The following TAF9B variants were observed in gnomAD, a reference collection of about 807,000 sequenced individuals.
TAF9B encodes the protein TATA-box binding protein associated factor 9b.
Under a neutral mutation model 17.6 loss-of-function variants are expected in TAF9B, and 47 were observed. The observed-to-expected ratio is 2.68, with a 90% CI of 2.12 to 3.41. The LOEUF is 3.41. Ranked by LOEUF, TAF9B falls within the 30% of genes most tolerant of loss-of-function variation. The pLI is 0.00. For synonymous variants in TAF9B, 84 were observed against 68.7 expected, an observed-to-expected ratio of 1.22 and a Z score of -1.10; for missense variants, 218 against 189.3, an observed-to-expected ratio of 1.15 and a Z score of -0.89.
chrX:78,133,942 T>A (rs1557249798), intron 5 of TAF9B, among the ~76,000 whole-genome samples: 2 of 111,544 alleles, frequency 1.8e-5, no homozygotes, highest in African/African-American at 6.5e-5. Context: ...TTCTATTTAT[T>A]ACCTTAGTTG....
In TAF9B at chrX:78,131,197, T is replaced by TAAA. The variant is rs782507510; in HGVS notation, c.*412_*413insTTT. 2.1e-3 allele frequency: 229 copies of TAAA among 107,535 alleles called. 2 individuals are homozygous for TAAA. Among genetic ancestry groups the TAAA allele is most frequent in the Middle Eastern group, 0.019 (4 of 209 alleles). 8.9% of individuals were successfully genotyped at this position (107,535 alleles called of 1,213,427 possible). A position where few individuals can be genotyped will look rare whatever the true frequency, so the allele number is the denominator to read the frequency against. On this transcript the variant is annotated 3_prime_UTR_variant, in exon 7 of 7. Transcript: ENST00000341864. ...AGAGATTTGGTAAAAAAAAAAAAATTAGCTAGTGACAGTAAGTAACTATAT... is the reference window on the plus strand; with the variant it reads ...AGAGATTTGGTAAAAAAAAAAAAATTAAAAGCTAGTGACAGTAAGTAACTATAT...
At chrX:78,132,610 CTGTGTGTG>C (rs201863850) in intron 6 of TAF9B, among the ~76,000 whole-genome samples, 159 of 96,255 alleles carry the variant, frequency 1.7e-3, no homozygotes, top group African/African-American at 4.9e-3. Flanking sequence ...TTATTCCAAT[CTGTGTGTG>C]TGTGTGTGTG....
chrX:78,136,992 T>C lies in TAF9B; in HGVS notation c.406-2A>G, dbSNP rs1557250122. 2.5e-6 allele frequency: 3 copies of C among 1,179,132 alleles called. No homozygotes were observed. The highest frequency in any genetic ancestry group is 1.9e-5 in the South Asian group (1 of 53,865). On this transcript the variant is annotated splice_acceptor_variant, in intron 4 of 6. Coordinates refer to ENST00000341864, the MANE Select transcript of TAF9B (RefSeq NM_015975.5). LOFTEE classifies it high-confidence loss of function. ...AACTAGTCTCCCTTGGTTAGGTCCC[T>C]AGGGGATTTAAAAAACAAATTAATG... is the stretch of plus-strand genomic sequence containing the variant.
Position 78,139,567 on chromosome X carries a change from A to T in TAF9B, c.45T>A (p.Asp15Glu). ...GCTTATCCTTCGCACTTACCAAGGC[A>T]TCTCTCGGAGCGTTCTTGGGAGGCG... is the stretch of plus-strand genomic sequence containing the variant. ...KMAPPKNAPR[D>E]ALVMAQILKD... is the part of the protein sequence containing the mutation. Residue 15 changes from aspartate (D) to glutamate (E), a missense_variant, in exon 1 of 7, where the codon GAT becomes GAA. Physicochemically the swap from Asp to Glu is conservative, Grantham distance 45. Coordinates refer to ENST00000341864, the MANE Select transcript of TAF9B (RefSeq NM_015975.5). The T allele has an allele frequency of 4.1e-6, 5 of 1,211,485 alleles. No individual in the cohort carries two copies. The highest frequency in any genetic ancestry group is 5.6e-6 in the Non-Finnish European group (5 of 895,279).
intron 5 of TAF9B, among the ~76,000 whole-genome samples, chrX:78,133,966 T>G (rs375935761): frequency 9.0e-6 from 1 of 111,392 alleles, no homozygotes; most frequent in East Asian, 2.8e-4. Flanking sequence ...CTTTTAATCT[T>G]GGTCACCTGC....
chrX:78,137,965 T>C lies in TAF9B; in HGVS notation c.267A>G (p.Arg89=), dbSNP rs782744104. 1.7e-6 allele frequency: 2 copies of C among 1,207,408 alleles called. No individual in the cohort carries two copies. The highest frequency in any genetic ancestry group is 1.8e-5 in the South Asian group (1 of 55,692). ...CTTCAAATCAAAGTTTGCTCACATC[T>C]CTTGGGGGAGGAGAGGTAAAAGATT... is the stretch of plus-strand genomic sequence containing the variant. ...ADQSFTSPPP[R]DFLLDIARQK... is the part of the protein sequence containing the mutation. The change falls in exon 3 of 7, where the codon AGA becomes AGG. Residue 89 remains arginine (R), a synonymous_variant. Transcript: ENST00000341864.
chrX:78,134,786 A>G (rs782572784), intron 5 of TAF9B, among the ~76,000 whole-genome samples: 104 of 111,556 alleles, frequency 9.3e-4, no homozygotes, highest in African/African-American at 3.3e-3. Context: ...TTTATAAAGA[A>G]AAAAGAAAAC....
chrX:78,137,886 TA>T lies in TAF9B; in HGVS notation c.271-4del, dbSNP rs201949818. The T allele has an allele frequency of 4.7e-4, 528 of 1,130,289 alleles. 1 individual carries two copies. The highest frequency in any genetic ancestry group is 1.5e-3 in the Admixed American group (57 of 38,099). The allele number at this position is 1,130,289 out of a possible 1,213,427, so 93.1% of individuals were successfully genotyped here. ...TGCCTTGCGATATCCAGTAAAAACT[TA>T]AAAAAAAAATCCTTATTAGAACTAC... is the stretch of plus-strand genomic sequence containing the variant. On this transcript the variant is annotated splice_polypyrimidine_tract_variant and splice_region_variant and intron_variant, in intron 3 of 6. Transcript: ENST00000341864.
At chrX:78,135,404 CCGT>C (rs1489652008) in intron 5 of TAF9B, among the ~76,000 whole-genome samples, 1 of 101,217 alleles carries the variant, frequency 9.9e-6, no homozygotes, top group Non-Finnish European at 2.0e-5. Flanking sequence ...TGGTGAAATC[CCGT>C]CTTTACTGAA....
At chrX:78,134,253 C>T (rs941654084) in intron 5 of TAF9B, among the ~76,000 whole-genome samples, 7 of 111,540 alleles carry the variant, frequency 6.3e-5, no homozygotes, top group African/African-American at 2.3e-4. Context: ...GTTCCCTTAA[C>T]GTCATAGGAG....
Position 78,133,458 on chromosome X carries a change from C to A in TAF9B, c.482-10G>T, listed in dbSNP as rs782429448. On this transcript the variant is annotated splice_polypyrimidine_tract_variant and intron_variant, in intron 5 of 6. Transcript: ENST00000341864. ...ACCGTTTGTGGGGTTGCTGTAGTTACAATAAACAGACCATGTTTGTTAGGT... is the reference window on the plus strand; with the variant it reads ...ACCGTTTGTGGGGTTGCTGTAGTTAAAATAAACAGACCATGTTTGTTAGGT... The A allele has an allele frequency of 4.3e-6, 5 of 1,154,591 alleles. No homozygotes were observed. In the South Asian group the frequency reaches 5.4e-5, roughly 12 times the overall value.
At position 78,131,743 on chromosome X, in the gene TAF9B, AGAACATTTT is replaced by A. The variant is rs781967287; in HGVS notation, c.614_622del (p.Gln205_Val207del). 8.3e-7 allele frequency: 1 copy of A among 1,209,598 alleles called. No individual in the cohort carries two copies. The highest frequency in any genetic ancestry group is 1.1e-6 in the Non-Finnish European group (1 of 894,374). On this transcript the variant is annotated inframe_deletion, in exon 7 of 7. Transcript: ENST00000341864. Reference sequence around the variant, plus strand: ...GGGCCCAATCATTGAAGGATTAATCAGAACATTTTGAACTGCAGTTGTTGCAGGAACTGT... The same window carrying A: ...GGGCCCAATCATTGAAGGATTAATCAGAACTGCAGTTGTTGCAGGAACTGT...
rs782160975 is a variant in TAF9B, at chrX:78,138,108, C to T, written c.134-10G>A. ...ATTGTAGTCACATAACCTATAAGAA[C>T]AAAACAATCTTTTCTTAAACATATG... On this transcript the variant is annotated splice_polypyrimidine_tract_variant and intron_variant, in intron 2 of 6. Transcript: ENST00000341864. 8.5e-7 allele frequency: 1 copy of T among 1,180,217 alleles called. No individual in the cohort carries two copies. Among genetic ancestry groups the T allele is most frequent in the Non-Finnish European group, 1.1e-6 (1 of 881,201 alleles).
In TAF9B at chrX:78,131,742, CA is replaced by C. The variant is rs782345331; in HGVS notation, c.623del (p.Leu208ArgfsTer6). 8.3e-7 allele frequency: 1 copy of C among 1,209,177 alleles called. No individual in the cohort carries two copies. Among genetic ancestry groups the C allele is most frequent in the Non-Finnish European group, 1.1e-6 (1 of 894,233 alleles). On this transcript the variant is annotated frameshift_variant, in exon 7 of 7. Coordinates refer to ENST00000341864, the MANE Select transcript of TAF9B (RefSeq NM_015975.5). LOFTEE classifies it high-confidence loss of function. Reference protein sequence around the residue: ...VPATTAVQNVLINPSMIGPKN... With the variant: ...VPATTAVQNVXINPSMIGPKN... ...TGGGCCCAATCATTGAAGGATTAAT[CA>C]GAACATTTTGAACTGCAGTTGTTGC...
At position 78,131,634 on chromosome X, in the gene TAF9B, ATCT is replaced by A. The variant is rs782225472; in HGVS notation, c.729_731del (p.Glu243del). ...CTTACATAATATCATTGTCATCATC[ATCT>A]TCATGTTTTCTCTTCAGTGGGTTTG... On this transcript the variant is annotated inframe_deletion, in exon 7 of 7. Transcript: ENST00000341864. 4 of 1,209,307 alleles carry A rather than the reference ATCT, an allele frequency of 3.3e-6. No homozygotes were observed. The highest frequency in any genetic ancestry group is 2.2e-5 in the Admixed American group (1 of 45,715).
Position 78,139,591 on chromosome X carries a change from C to T in TAF9B, c.21G>A (p.Ala7=). The change falls in exon 1 of 7, where the codon GCG becomes GCA. Residue 7 remains alanine (A), a synonymous_variant. Transcript: ENST00000341864. ...CATCTCTCGGAGCGTTCTTGGGAGG[C>T]GCCATCTTGCCCGACTCCATGTTAT... is the stretch of plus-strand genomic sequence containing the variant. The part of the protein sequence containing the change: MESGKM[A]PPKNAPRDAL... 1 of 1,211,912 alleles carries T rather than the reference C, an allele frequency of 8.3e-7. No homozygotes were observed. Among genetic ancestry groups the T allele is most frequent in the Non-Finnish European group, 1.1e-6 (1 of 895,422 alleles).
intron 2 of TAF9B, among the ~76,000 whole-genome samples, 200 bp from the exon 3 acceptor site, chrX:78,138,298 G>GT (rs1448029159): frequency 8.9e-6 from 1 of 112,257 alleles, no homozygotes; most frequent in African/African-American, 3.2e-5. Context: ...GATTACAGGT[G>GT]TAAGCTACTG....
intron 1 of TAF9B, 55 bp downstream of exon 1, chrX:78,139,506 G>C: frequency 8.3e-7 from 1 of 1,204,777 alleles, no homozygotes; most frequent in East Asian, 3.0e-5. Context: ...GCCCCGCCTC[G>C]CAGGTCCCTG....
Position 78,139,605 on chromosome X carries a change from A to C in TAF9B, c.7T>G (p.Ser3Ala), listed in dbSNP as rs782805039. Residue 3 changes from serine (S) to alanine (A), a missense_variant, in exon 1 of 7, where the codon TCG becomes GCG. Coordinates refer to ENST00000341864, the MANE Select transcript of TAF9B (RefSeq NM_015975.5). The stretch of plus-strand genomic sequence containing the variant: ...TTCTTGGGAGGCGCCATCTTGCCCG[A>C]CTCCATGTTATCCAGCCACTCGTCA... The part of the protein sequence containing the change: ME[S>A]GKMAPPKNAP... The C allele has an allele frequency of 4.1e-6, 5 of 1,208,655 alleles. No individual in the cohort carries two copies. The African/African-American group carries it at 8.8e-5, about 21-fold the overall frequency.
Sources: allele counts gnomAD v4.1 joint callset (sites outside exome capture counted in the v4.1 genomes callset), GRCh38; gene constraint gnomAD v4.1.1; transcripts MANE v1.5; gene names NCBI Gene and HGNC (gene_info 2026-07-23, HGNC 2026-07-21).